The following ARHGDIA variants were observed in gnomAD, a reference collection of about 807,000 sequenced individuals.
ARHGDIA encodes the protein rho GDP-dissociation inhibitor 1.
In ARHGDIA, 9 loss-of-function variants were observed where a neutral mutation model predicts 25.0. The ratio of observed to expected loss-of-function variants is 0.36; its 90% CI spans 0.22 to 0.63. The LOEUF (loss-of-function observed/expected upper bound fraction) is 0.63, where lower values mean the gene tolerates loss of function less well. Ranked by LOEUF, ARHGDIA falls within the 20% of genes least tolerant of loss-of-function variation. The pLI, the probability that ARHGDIA is intolerant of heterozygous loss-of-function variation, is 0.69. For synonymous variants in ARHGDIA, 166 were observed against 111.5 expected (o/e 1.49, Z -3.08); for missense variants, 239 against 264.3 (o/e 0.90, Z 0.66).
rs1305459293 is a variant in ARHGDIA, at chr17:81,868,478, A to T, written c.*398T>A. 6.6e-7 allele frequency: 1 copy of T among 1,521,120 alleles called. No homozygotes were observed. The highest frequency in any genetic ancestry group is 8.8e-7 in the Non-Finnish European group (1 of 1,137,834). The allele number at this position is 1,521,120 out of a possible 1,614,324, so 94.2% of individuals were successfully genotyped here. ...GCCGTGCATCCCACACCCCAGCTCC[A>T]CCCCGGAGCAGCAGACGCACACGTC... On this transcript the variant is annotated 3_prime_UTR_variant, in exon 6 of 6. Coordinates refer to ENST00000269321, the MANE Select transcript of ARHGDIA (RefSeq NM_004309.6).
intron 1 of ARHGDIA, chr17:81,870,207 C>A: frequency 2.1e-6 from 1 of 465,208 alleles, no homozygotes; most frequent in Non-Finnish European, 3.9e-6. Context: ...ACCTCCCCCT[C>A]CACGATGGAG....
At position 81,868,957 on chromosome 17, in the gene ARHGDIA, C is replaced by T. The variant is rs2039167596; in HGVS notation, c.534G>A (p.Lys178=). ...GMLARGSYSI[K]SRFTDDDKTD... ...TCTTGTCGTCGTCTGTGAAGCGGGA[C>T]TTGATGCTGTAGCTGCCCCGGGCCA... The change falls in exon 6 of 6, where the codon AAG becomes AAA. Residue 178 remains lysine, a synonymous_variant. Transcript: ENST00000269321. The T allele has an allele frequency of 6.2e-7, 1 of 1,613,842 alleles. No individual in the cohort carries two copies.
Position 81,868,499 on chromosome 17 carries a change from A to G in ARHGDIA, c.*377T>C. On this transcript the variant is annotated 3_prime_UTR_variant, in exon 6 of 6. Transcript: ENST00000269321. ...CTCCACCCCGGAGCAGCAGACGCAC[A>G]CGTCCAGGGGCAACCACGGGGCCTG... 6.5e-7 allele frequency: 1 copy of G among 1,527,940 alleles called. No individual in the cohort carries two copies. The highest frequency in any genetic ancestry group is 8.8e-7 in the Non-Finnish European group (1 of 1,141,770). 94.6% of individuals were successfully genotyped at this position (1,527,940 alleles called of 1,614,324 possible). A position where few individuals can be genotyped will look rare whatever the true frequency, so the allele number is the denominator to read the frequency against.
intron 1 of ARHGDIA, chr17:81,870,309 C>T: frequency 4.2e-6 from 1 of 239,322 alleles, no homozygotes; most frequent in South Asian, 6.4e-5. Flanking sequence ...TAGGGTCTTG[C>T]CGCTCTTGAG....
intron 3 of ARHGDIA, 37 bp from the exon 4 acceptor site, chr17:81,869,443 A>T (rs780157115): frequency 1.9e-6 from 3 of 1,612,778 alleles, no homozygotes; most frequent in Non-Finnish European, 2.5e-6. Flanking sequence ...ACTGCCCAGC[A>T]GCCCTGCGCG....
At position 81,869,157 on chromosome 17, in the gene ARHGDIA, C is replaced by A; in HGVS notation, c.415+16G>T. 1 of 1,613,816 alleles carries A rather than the reference C, an allele frequency of 6.2e-7. No individual in the cohort carries two copies. Among genetic ancestry groups the A allele is most frequent in the Non-Finnish European group, 8.5e-7 (1 of 1,179,928 alleles). On this transcript the variant is annotated intron_variant, in intron 5 of 5. Transcript: ENST00000269321. ...ACCCAAGCGGCCCCCTCTGCCCTGC[C>A]CGGGGCCCCACTCACTCTTGACGCC...
In ARHGDIA at chr17:81,871,279, C is replaced by T. The variant is rs2039291756; in HGVS notation, c.-28+19G>A. ...CGCCGCCTCCGCCCCGCCGCCTCCG[C>T]CCCGCCACGGCCACTCACCGGAGGG... On this transcript the variant is annotated intron_variant, in intron 1 of 5. Transcript: ENST00000269321. 1 of 151,482 alleles carries T rather than the reference C, an allele frequency of 6.6e-6. No individual in the cohort carries two copies. The highest frequency in any genetic ancestry group is 1.8e-4 in the South Asian group (1 of 5,660). The allele number at this position is 151,482 out of a possible 1,614,324, so 9.4% of individuals were successfully genotyped here.
rs1441823137 is a variant in ARHGDIA at position 81,868,969 on chromosome 17, G to A, written c.522C>T (p.Ser174=). 1 of 1,613,822 alleles carries A rather than the reference G, an allele frequency of 6.2e-7. No homozygotes were observed. Among genetic ancestry groups the A allele is most frequent in the Non-Finnish European group, 8.5e-7 (1 of 1,179,994 alleles). The change falls in exon 6 of 6, where the codon AGC becomes AGT. Residue 174 remains serine (S), a synonymous_variant. Coordinates refer to ENST00000269321, the MANE Select transcript of ARHGDIA (RefSeq NM_004309.6). ...EAPKGMLARG[S]YSIKSRFTDD... ...CTGTGAAGCGGGACTTGATGCTGTAGCTGCCCCGGGCCAGCATACCCTTGG... is the reference window on the plus strand; with the variant it reads ...CTGTGAAGCGGGACTTGATGCTGTAACTGCCCCGGGCCAGCATACCCTTGG...
At chr17:81,869,117 C>T (rs761900115) in intron 5 of ARHGDIA, 42 bp from the exon 6 acceptor site, 16 of 1,612,924 alleles carry the variant, frequency 9.9e-6, no homozygotes, top group South Asian at 4.4e-5. Flanking sequence ...CCCGCTTCCC[C>T]GCCTGGCAGC....
chr17:81,870,086 C>G, intron 1 of ARHGDIA, 129 bp from the exon 2 acceptor site: 1 of 875,748 alleles, frequency 1.1e-6, no homozygotes. Flanking sequence ...CTCTCCACCC[C>G]CGCGATTCCT....
Position 81,869,082 on chromosome 17 carries a change from C to A in ARHGDIA, c.416-7G>T. 1 of 1,612,670 alleles carries A rather than the reference C, an allele frequency of 6.2e-7. No individual in the cohort carries two copies. Among genetic ancestry groups the A allele is most frequent in the African/African-American group, 1.3e-5 (1 of 74,912 alleles). On this transcript the variant is annotated splice_region_variant and splice_polypyrimidine_tract_variant and intron_variant, in intron 5 of 5. Transcript: ENST00000269321. ...ATGTAGTCAGTCTTGTCAACTGCGGCACAAGGAAGAGGGCGGTCAGCGGCC... is the reference window on the plus strand; with the variant it reads ...ATGTAGTCAGTCTTGTCAACTGCGGAACAAGGAAGAGGGCGGTCAGCGGCC...
intron 1 of ARHGDIA, chr17:81,870,376 C>T (rs2039254615): frequency 1.2e-5 from 2 of 168,600 alleles, no homozygotes; most frequent in East Asian, 1.7e-4. Context: ...AGTAGGGTTG[C>T]TCCTCTGGCC....
chr17:81,869,933 T>G lies in ARHGDIA; in HGVS notation c.-3A>C. 6.2e-7 allele frequency: 1 copy of G among 1,612,876 alleles called. No individual in the cohort carries two copies. The highest frequency in any genetic ancestry group is 8.5e-7 in the Non-Finnish European group (1 of 1,179,968). On this transcript the variant is annotated 5_prime_UTR_variant, in exon 2 of 6. Coordinates refer to ENST00000269321, the MANE Select transcript of ARHGDIA (RefSeq NM_004309.6). ...GCTGTGGGCTCCTGCTCAGCCATGC[T>G]CAAGCTTAGCCTGGGTCGGGACACC...
At position 81,868,283 on chromosome 17, in the gene ARHGDIA, C is replaced by T. The variant is rs149162567; in HGVS notation, c.*593G>A. 18,667 of 1,326,750 alleles carry T rather than the reference C, an allele frequency of 0.014. 178 individuals carry two copies. Among genetic ancestry groups the T allele is most frequent in the Non-Finnish European group, 0.017 (16,874 of 1,016,336 alleles). 82.2% of individuals were successfully genotyped at this position (1,326,750 alleles called of 1,614,324 possible). A position where few individuals can be genotyped will look rare whatever the true frequency, so the allele number is the denominator to read the frequency against. On this transcript the variant is annotated 3_prime_UTR_variant, in exon 6 of 6. Transcript: ENST00000269321. ...GTCCCTGGGTCACTGGGTTCGCCAC[C>T]GGGGAAGGGACGGGGAGGCCACATG...
Position 81,869,216 on chromosome 17 carries a change from G to A in ARHGDIA, c.372C>T (p.Ser124=), listed in dbSNP as rs367718991. The part of the protein sequence containing the change: ...ISFRVNREIV[S]GMKYIQHTYR... ...ACGTATGCTGGATGTACTTCATGCC[G>A]GACACTATCTCTCGGTTAACCTGCA... The change falls in exon 5 of 6, where the codon TCC becomes TCT. Residue 124 remains serine, a synonymous_variant. Transcript: ENST00000269321. The A allele has an allele frequency of 6.8e-6, 11 of 1,613,854 alleles. No individual in the cohort carries two copies. In the African/African-American group the frequency reaches 8.0e-5, roughly 12 times the overall value.
rs779910117 is a variant in ARHGDIA, at chr17:81,868,773, G to A, written c.*103C>T. On this transcript the variant is annotated 3_prime_UTR_variant, in exon 6 of 6. Coordinates refer to ENST00000269321, the MANE Select transcript of ARHGDIA (RefSeq NM_004309.6). ...CGGACCAGGGTGGGAGGGGCACGGA[G>A]GGCCTGTCAGCACTTTGGTATGGGG... is the stretch of plus-strand genomic sequence containing the variant. 31 of 1,554,974 alleles carry A rather than the reference G, an allele frequency of 2.0e-5. No homozygotes were observed. The East Asian group carries it at 5.2e-4, about 26-fold the overall frequency.
rs1367198579 is a variant in ARHGDIA, at chr17:81,869,941, A to C, written c.-11T>G. 2.5e-6 allele frequency: 4 copies of C among 1,612,078 alleles called. No individual in the cohort carries two copies. The highest frequency in any genetic ancestry group is 2.5e-6 in the Non-Finnish European group (3 of 1,179,936). ...CTCCTGCTCAGCCATGCTCAAGCTT[A>C]GCCTGGGTCGGGACACCTGTGGGCG... is the stretch of plus-strand genomic sequence containing the variant. On this transcript the variant is annotated 5_prime_UTR_variant, in exon 2 of 6. Transcript: ENST00000269321.
rs553139378 is a variant in ARHGDIA, at chr17:81,868,427, C to A, written c.*449G>T. On this transcript the variant is annotated 3_prime_UTR_variant, in exon 6 of 6. Coordinates refer to ENST00000269321, the MANE Select transcript of ARHGDIA (RefSeq NM_004309.6). ...GGGGGCTGGCCAGGGAGCAGCGGGGCTGGAGGACGGCCCGGCCCCCACGAG... is the reference window on the plus strand; with the variant it reads ...GGGGGCTGGCCAGGGAGCAGCGGGGATGGAGGACGGCCCGGCCCCCACGAG... 1 of 1,460,562 alleles carries A rather than the reference C, an allele frequency of 6.8e-7. No homozygotes were observed. Among genetic ancestry groups the A allele is most frequent in the Non-Finnish European group, 9.0e-7 (1 of 1,110,066 alleles). 90.5% of individuals were successfully genotyped at this position (1,460,562 alleles called of 1,614,324 possible).
rs1034089243 is a variant in ARHGDIA at position 81,868,036 on chromosome 17, C to T, written c.*840G>A. On this transcript the variant is annotated 3_prime_UTR_variant, in exon 6 of 6. Coordinates refer to ENST00000269321, the MANE Select transcript of ARHGDIA (RefSeq NM_004309.6). ...AGGTGGGGTGAGTGAGGCTGTCCAT[C>T]GAGGGCTCTTGGGGGGGTGTGGGCT... The T allele has an allele frequency of 6.2e-5, 15 of 240,296 alleles. No individual in the cohort carries two copies. Among genetic ancestry groups the T allele is most frequent in the South Asian group, 3.3e-4 (2 of 6,120 alleles). The allele number at this position is 240,296 out of a possible 1,614,324, so 14.9% of individuals were successfully genotyped here.
Sources: allele counts gnomAD v4.1 joint callset, GRCh38; gene constraint gnomAD v4.1.1; transcripts MANE v1.5; gene names NCBI Gene and HGNC (gene_info 2026-07-23, HGNC 2026-07-21).